Variants in ANKS1B observed in about 807,000 individuals in gnomAD.
ANKS1B encodes the protein ankyrin repeat and sterile alpha motif domain-containing protein 1B.
In ANKS1B, 36 loss-of-function variants were observed where a neutral mutation model predicts 148.3. The observed-to-expected ratio is 0.24, with a 90% confidence interval of 0.19 to 0.32. ANKS1B has a LOEUF of 0.32. Ranked by LOEUF, ANKS1B falls within the 10% of genes least tolerant of loss-of-function variation. The pLI is 1.00. For synonymous variants in ANKS1B, 542 were observed against 560.8 expected (o/e 0.97, Z 0.47); for missense variants, 1,157 against 1,542.6 (o/e 0.75, Z 4.19).
At chr12:99,498,698 A>G (rs998846550) in intron 10 of ANKS1B, among the ~76,000 whole-genome samples, 2 of 152,218 alleles carry the variant, frequency 1.3e-5, no homozygotes, top group Non-Finnish European at 2.9e-5. Context: ...GAGGTACTCA[A>G]TAAGTGCTTA....
At chr12:99,635,647 A>G (rs2098226788) in intron 9 of ANKS1B, among the ~76,000 whole-genome samples, 1 of 152,162 alleles carries the variant, frequency 6.6e-6, no homozygotes, top group African/African-American at 2.4e-5. Flanking sequence ...AGAGTTTCAG[A>G]TTTCCATAAT....
At chr12:98,811,656 GA>G (rs1160725126) in intron 19 of ANKS1B, among the ~76,000 whole-genome samples, 3 of 152,144 alleles carry the variant, frequency 2.0e-5, no homozygotes, top group African/African-American at 7.2e-5. Context: ...CTTTCCACAG[GA>G]CTCAGACAAT....
intron 11 of ANKS1B, among the ~76,000 whole-genome samples, chr12:99,412,953 A>G (rs761376569): frequency 6.6e-6 from 1 of 152,212 alleles, no homozygotes; most frequent in Non-Finnish European, 1.5e-5. Flanking sequence ...TTTGGTTGTT[A>G]TGAATATGAT....
chr12:99,025,997 C>T (rs2099948541), intron 17 of ANKS1B, among the ~76,000 whole-genome samples: 2 of 152,130 alleles, frequency 1.3e-5, no homozygotes, highest in African/African-American at 2.4e-5. Context: ...GCTTTATGGC[C>T]TACTCCAAAT....
intron 1 of ANKS1B, among the ~76,000 whole-genome samples, chr12:99,925,040 A>G (rs770931160): frequency 5.9e-5 from 9 of 152,094 alleles, no homozygotes; most frequent in Non-Finnish European, 1.3e-4. Flanking sequence ...TATCCCCAGC[A>G]CCTAGAATAA....
In ANKS1B at chr12:99,526,170, A is replaced by G. The variant is rs118021181; in HGVS notation, c.1273-21529T>C. ...CAGTGTTAGTGAGGGTTTGAAAAAA[A>G]TGGGCACTTTATATAAAAGTTAAAA... On this transcript the variant is annotated intron_variant, in intron 9 of 26. Coordinates refer to ENST00000683438, the MANE Select transcript of ANKS1B (RefSeq NM_001352186.2). 7.7e-4 allele frequency among the ~76,000 whole-genome samples: 117 copies of G among 152,316 alleles called. 1 individual carries two copies. In the East Asian group the frequency reaches 0.021, roughly 28 times the overall value.
intron 8 of ANKS1B, among the ~76,000 whole-genome samples, chr12:99,762,346 CAT>C (rs60702115): frequency 0.43 from 65,422 of 151,376 alleles, 14,515 homozygotes; most frequent in South Asian, 0.61. Flanking sequence ...AAAACAGAAA[CAT>C]AGAACAAAGG....
intron 17 of ANKS1B, among the ~76,000 whole-genome samples, chr12:99,007,502 A>C (rs1208671083): frequency 6.6e-6 from 1 of 152,180 alleles, no homozygotes; most frequent in Non-Finnish European, 1.5e-5. Context: ...TGCTATGTCG[A>C]ATCTCCCAAC....
chr12:99,467,861 G>T (rs575736521), intron 10 of ANKS1B, among the ~76,000 whole-genome samples: 1 of 152,276 alleles, frequency 6.6e-6, no homozygotes, highest in South Asian at 2.1e-4. Context: ...ATGGCATACT[G>T]CCCAAGGTAA....
At chr12:98,988,335 A>G (rs183030425) in intron 17 of ANKS1B, among the ~76,000 whole-genome samples, 2 of 152,146 alleles carry the variant, frequency 1.3e-5, no homozygotes, top group East Asian at 1.9e-4. Context: ...TTTAGATTCC[A>G]TATGGTGAGA....
intron 14 of ANKS1B, among the ~76,000 whole-genome samples, chr12:99,225,344 CTTGA>C (rs1225948321): frequency 6.6e-6 from 1 of 151,994 alleles, no homozygotes; most frequent in African/African-American, 2.4e-5. Context: ...CCACTTTTGT[CTTGA>C]TTATCAAGAA....
intron 8 of ANKS1B, among the ~76,000 whole-genome samples, chr12:99,728,564 T>C (rs747824422): frequency 6.6e-6 from 1 of 152,222 alleles, no homozygotes; most frequent in Non-Finnish European, 1.5e-5. Flanking sequence ...GACGACAGTA[T>C]GGCAATTCGT....
At chr12:99,670,274 T>C (rs1311765684) in intron 8 of ANKS1B, among the ~76,000 whole-genome samples, 2 of 152,138 alleles carry the variant, frequency 1.3e-5, no homozygotes, top group African/African-American at 4.8e-5. Flanking sequence ...AGTTAGTCTT[T>C]TCTTTCCATC....
intron 9 of ANKS1B, among the ~76,000 whole-genome samples, chr12:99,622,889 T>C (rs965363282): frequency 3.3e-5 from 5 of 151,936 alleles, no homozygotes; most frequent in Non-Finnish European, 7.4e-5. Context: ...TGCCTATCTC[T>C]TTCTATGAAA....
At chr12:99,559,581 G>A (rs1021783128) in intron 9 of ANKS1B, among the ~76,000 whole-genome samples, 2 of 152,110 alleles carry the variant, frequency 1.3e-5, no homozygotes, top group Admixed American at 6.5e-5. Flanking sequence ...TTTGTTGCAG[G>A]CATTATATTA....
chr12:98,952,950 C>T lies in ANKS1B; in HGVS notation c.2778+100207G>A, dbSNP rs554765964. On this transcript the variant is annotated intron_variant, in intron 17 of 26. Transcript: ENST00000683438. ...CATGGCTCACTATAGTTTCAAACTC[C>T]GGGGCTCAAGTGATCCTCCTGCCTC... Among the ~76,000 whole-genome samples the T allele has an allele frequency of 2.3e-3, 349 of 152,172 alleles. 1 individual carries two copies. Among genetic ancestry groups the T allele is most frequent in the African/African-American group, 8.2e-3 (341 of 41,512 alleles).
intron 20 of ANKS1B, among the ~76,000 whole-genome samples, chr12:98,803,954 C>A (rs1183077711): frequency 6.6e-6 from 1 of 152,200 alleles, no homozygotes. Flanking sequence ...AGCCCCAGCA[C>A]ATACATTCCA....
intron 12 of ANKS1B, among the ~76,000 whole-genome samples, chr12:99,363,718 T>G (rs1393476893): frequency 6.6e-6 from 1 of 152,148 alleles, no homozygotes; most frequent in African/African-American, 2.4e-5. Flanking sequence ...AAGTTTTAAT[T>G]CCAATAGGAT....
intron 17 of ANKS1B, among the ~76,000 whole-genome samples, chr12:99,028,224 CTCA>C (rs1282344468): frequency 6.6e-6 from 1 of 152,152 alleles, no homozygotes; most frequent in African/African-American, 2.4e-5. Flanking sequence ...TAATTATATC[CTCA>C]TACTTTTCTA....
Sources: allele counts gnomAD v4.1 joint callset (sites outside exome capture counted in the v4.1 genomes callset), GRCh38; gene constraint gnomAD v4.1.1; transcripts MANE v1.5; gene names NCBI Gene and HGNC (gene_info 2026-07-23, HGNC 2026-07-21).